PEX5L: variants seen among roughly 807,000 people sequenced by gnomAD.
PEX5L encodes the protein PEX5-related protein.
PEX5L carries 30 observed loss-of-function variants against 84.0 expected under a neutral mutation model. That is an observed-to-expected ratio of 0.36 (90% CI 0.27 to 0.48). The LOEUF (loss-of-function observed/expected upper bound fraction) is 0.48. Among genes scored for constraint, PEX5L ranks in the 20% least tolerant of loss-of-function variants. The probability of loss-of-function intolerance (pLI) is 0.99; values close to 1 mark genes in which losing one functional copy is unlikely to be tolerated. For synonymous variants in PEX5L, 270 were observed against 283.1 expected, an observed-to-expected ratio of 0.95 and a Z score of 0.46; for missense variants, 533 against 754.6, an observed-to-expected ratio of 0.71 and a Z score of 3.44.
chr3:179,855,368 C>T (rs922467902), intron 8 of PEX5L, among the ~76,000 whole-genome samples: 41 of 152,212 alleles, frequency 2.7e-4, no homozygotes, highest in African/African-American at 9.2e-4. Context: ...CAATCTGCAT[C>T]ACCATTCTTT....
intron 1 of PEX5L, among the ~76,000 whole-genome samples, chr3:180,020,000 T>C (rs369657919): frequency 9.8e-5 from 15 of 152,298 alleles, no homozygotes; most frequent in Admixed American, 3.9e-4. Flanking sequence ...AAATTTGAGA[T>C]GGTCAGAGAG....
At chr3:179,977,963 C>T (rs1785969562) in intron 1 of PEX5L, among the ~76,000 whole-genome samples, 3 of 152,148 alleles carry the variant, frequency 2.0e-5, no homozygotes, top group Admixed American at 6.5e-5. Context: ...GCAAACAAAA[C>T]ATATGGCAAT....
intron 2 of PEX5L, among the ~76,000 whole-genome samples, chr3:179,948,876 T>C (rs1008565257): frequency 6.6e-6 from 1 of 152,178 alleles, no homozygotes; most frequent in African/African-American, 2.4e-5. Context: ...AACTAAGAAG[T>C]TTTTTAGAGC....
intron 1 of PEX5L, among the ~76,000 whole-genome samples, chr3:180,023,855 G>A (rs1790654936): frequency 1.4e-5 from 2 of 147,412 alleles, no homozygotes; most frequent in Middle Eastern, 6.9e-3. Context: ...TAGCTCCTTG[G>A]TAGAGGAGAC....
chr3:179,986,609 A>G (rs569386386), intron 1 of PEX5L, among the ~76,000 whole-genome samples: 1 of 152,082 alleles, frequency 6.6e-6, no homozygotes, highest in South Asian at 2.1e-4. Flanking sequence ...TCACCGTGTT[A>G]GCCAGGATAG....
At chr3:179,928,205 G>T (rs898823043) in intron 2 of PEX5L, among the ~76,000 whole-genome samples, 1 of 152,216 alleles carries the variant, frequency 6.6e-6, no homozygotes, top group Admixed American at 6.5e-5. Context: ...CAGGAAGCCA[G>T]ATTGTGAGCC....
intron 14 of PEX5L, among the ~76,000 whole-genome samples, chr3:179,804,958 A>G (rs546454640): frequency 3.3e-5 from 5 of 151,930 alleles, no homozygotes; most frequent in Non-Finnish European, 7.4e-5. Flanking sequence ...GTGTCTACTA[A>G]AAATACAAAA....
rs1256589243 is a variant in PEX5L at position 179,796,944 on chromosome 3, C to T, written c.*4884G>A. ...TATGTGACATTTATGAAAATTAAGG[C>T]CCCATATCTACTTCGTTGTGTGATG... On this transcript the variant is annotated 3_prime_UTR_variant, in exon 15 of 15. Coordinates refer to ENST00000467460, the MANE Select transcript of PEX5L (RefSeq NM_016559.3). 6.6e-6 allele frequency: 1 copy of T among 152,128 alleles called. No individual in the cohort carries two copies. The allele number at this position is 152,128 out of a possible 1,614,324, so 9.4% of individuals were successfully genotyped here.
At chr3:179,895,483 A>C (rs910634302) in intron 3 of PEX5L, 1 of 152,144 alleles carries the variant, frequency 6.6e-6, no homozygotes, top group African/African-American at 2.4e-5. Flanking sequence ...CTTGGACAGC[A>C]TGAACTTGAG....
In PEX5L at chr3:180,023,734, C is replaced by T. The variant is rs193070845; in HGVS notation, c.21+12845G>A. Among the ~76,000 whole-genome samples the T allele has an allele frequency of 4.3e-3, 657 of 151,164 alleles. 11 individuals are homozygous for T. Among genetic ancestry groups the T allele is most frequent in the African/African-American group, 0.015 (622 of 41,002 alleles). ...GGTAAAATAGAGCTAATTTATTCACCTTTCACCACTCATCTACACACACAC... is the reference window on the plus strand; with the variant it reads ...GGTAAAATAGAGCTAATTTATTCACTTTTCACCACTCATCTACACACACAC... On this transcript the variant is annotated intron_variant, in intron 1 of 14. Coordinates refer to ENST00000467460, the MANE Select transcript of PEX5L (RefSeq NM_016559.3).
chr3:179,802,097 A>G, intron 14 of PEX5L, 65 bp from the exon 15 acceptor site: 1 of 1,144,674 alleles, frequency 8.7e-7, no homozygotes, highest in Non-Finnish European at 1.3e-6. Flanking sequence ...TGTAAACAAA[A>G]CAAAACAAAA....
chr3:179,856,087 TA>T (rs1330558490), intron 8 of PEX5L, among the ~76,000 whole-genome samples: 2 of 152,238 alleles, frequency 1.3e-5, no homozygotes, highest in East Asian at 3.8e-4. Flanking sequence ...TAATGGCTTA[TA>T]AAATGCCACA....
intron 7 of PEX5L, among the ~76,000 whole-genome samples, chr3:179,868,376 G>A (rs1325153962): frequency 6.6e-6 from 1 of 152,074 alleles, no homozygotes; most frequent in African/African-American, 2.4e-5. Flanking sequence ...CACATAGGAA[G>A]TAGGTATGCG....
intron 4 of PEX5L, among the ~76,000 whole-genome samples, chr3:179,881,805 G>A (rs866456892): frequency 2.0e-5 from 3 of 152,156 alleles, no homozygotes; most frequent in South Asian, 4.1e-4. Flanking sequence ...ATCATAAAGT[G>A]GCCTGAAAGT....
intron 1 of PEX5L, among the ~76,000 whole-genome samples, chr3:179,984,352 A>AT (rs1199808625): frequency 3.3e-5 from 5 of 151,708 alleles, no homozygotes; most frequent in South Asian, 2.1e-4. Context: ...TCTCACTAAA[A>AT]TTTTTTTTTG....
chr3:179,994,523 T>G (rs1787677284), intron 1 of PEX5L, among the ~76,000 whole-genome samples: 1 of 152,144 alleles, frequency 6.6e-6, no homozygotes, highest in Non-Finnish European at 1.5e-5. Context: ...GTAAAGTGTT[T>G]AGGGCACACT....
Position 179,802,564 on chromosome 3 carries a change from A to AGAAAAGAAAT in PEX5L, c.1677-533_1677-532insATTTCTTTTC, listed in dbSNP as rs1560142924. Among the ~76,000 whole-genome samples the AGAAAAGAAAT allele has an allele frequency of 1.3e-3, 197 of 149,094 alleles. 1 individual carries two copies. Among genetic ancestry groups the AGAAAAGAAAT allele is most frequent in the African/African-American group, 4.7e-3 (184 of 39,114 alleles). On this transcript the variant is annotated intron_variant, in intron 14 of 14. Coordinates refer to ENST00000467460, the MANE Select transcript of PEX5L (RefSeq NM_016559.3). ...AAAAAAAAAAAAAAAAGAAAAGAAAAGAAAAGAAAATTTTATTTTAGGAAT... is the reference window on the plus strand; with the variant it reads ...AAAAAAAAAAAAAAAAGAAAAGAAAAGAAAAGAAATGAAAAGAAAATTTTATTTTAGGAAT...
At chr3:180,035,816 A>G (rs1157630164) in intron 1 of PEX5L, among the ~76,000 whole-genome samples, 8 of 152,206 alleles carry the variant, frequency 5.3e-5, no homozygotes. Flanking sequence ...CTGAGTTAGT[A>G]TTTTATTTTT....
intron 2 of PEX5L, among the ~76,000 whole-genome samples, chr3:179,900,145 C>T (rs1027849522): frequency 6.6e-6 from 1 of 152,148 alleles, no homozygotes; most frequent in African/African-American, 2.4e-5. Context: ...TTATAAGCTA[C>T]ACTCATTTAC....
Sources: allele counts gnomAD v4.1 joint callset (sites outside exome capture counted in the v4.1 genomes callset), GRCh38; gene constraint gnomAD v4.1.1; transcripts MANE v1.5; gene names NCBI Gene and HGNC (gene_info 2026-07-23, HGNC 2026-07-21).